Variants in FAM171A1 observed in about 807,000 individuals in gnomAD.
The protein encoded by FAM171A1 is family with sequence similarity 171 member A1.
Under a neutral mutation model 74.9 loss-of-function variants are expected in FAM171A1, and 23 were observed. The ratio of observed to expected loss-of-function variants is 0.31; its 90% CI spans 0.22 to 0.44. The LOEUF is 0.44. Ranked by LOEUF, FAM171A1 falls within the 20% of genes least tolerant of loss-of-function variation. FAM171A1 has a pLI of 1.00. For missense variants in FAM171A1, 1,162 were observed against 1,159.2 expected, an observed-to-expected ratio of 1.00 and a Z score of -0.03; for synonymous variants, 527 against 505.7, an observed-to-expected ratio of 1.04 and a Z score of -0.57.
intron 4 of FAM171A1, among the ~76,000 whole-genome samples, chr10:15,250,045 T>G (rs1032648721): frequency 9.2e-5 from 14 of 152,244 alleles, no homozygotes; most frequent in Admixed American, 5.2e-4. Flanking sequence ...GATGTAAACC[T>G]CCAATCTGGT....
intron 1 of FAM171A1, among the ~76,000 whole-genome samples, chr10:15,366,601 T>C (rs1028111260): frequency 6.6e-5 from 10 of 152,212 alleles, no homozygotes; most frequent in African/African-American, 1.9e-4. Context: ...ATTACTGGTA[T>C]GTATAATTTC....
At chr10:15,218,241 G>A (rs1287443025) in intron 6 of FAM171A1, among the ~76,000 whole-genome samples, 1 of 151,906 alleles carries the variant, frequency 6.6e-6, no homozygotes, top group Non-Finnish European at 1.5e-5. Flanking sequence ...TACTGTGCCT[G>A]GCAAATTTTT....
chr10:15,320,422 C>G (rs747707184), intron 1 of FAM171A1, among the ~76,000 whole-genome samples: 1 of 152,144 alleles, frequency 6.6e-6, no homozygotes, highest in African/African-American at 2.4e-5. Context: ...AATAGTGCTG[C>G]GATAAACATA....
intron 6 of FAM171A1, among the ~76,000 whole-genome samples, chr10:15,216,583 A>G (rs1034279448): frequency 1.1e-4 from 16 of 152,006 alleles, no homozygotes; most frequent in East Asian, 1.9e-4. Flanking sequence ...GGCACGCACC[A>G]CCACACCTGG....
chr10:15,264,613 T>G (rs1347549618), intron 3 of FAM171A1, among the ~76,000 whole-genome samples: 1 of 147,040 alleles, frequency 6.8e-6, no homozygotes. Context: ...GGTGAAACCC[T>G]GTTTCTACAA....
rs913007446 is a variant in FAM171A1 at position 15,212,801 on chromosome 10, C to T, written c.*114G>A. ...CAAACAGGAATGCAGTAAACGTCCACGTCCGTCCCACGGCTGGGCTGCCGT... is the reference window on the plus strand; with the variant it reads ...CAAACAGGAATGCAGTAAACGTCCATGTCCGTCCCACGGCTGGGCTGCCGT... On this transcript the variant is annotated 3_prime_UTR_variant, in exon 8 of 8. Transcript: ENST00000378116. 3.0e-5 allele frequency: 41 copies of T among 1,344,920 alleles called. No homozygotes were observed. In the East Asian group the frequency reaches 4.8e-4, roughly 16 times the overall value. 83.3% of individuals were successfully genotyped at this position (1,344,920 alleles called of 1,614,324 possible). A position where few individuals can be genotyped will look rare whatever the true frequency, so the allele number is the denominator to read the frequency against.
intron 7 of FAM171A1, among the ~76,000 whole-genome samples, chr10:15,215,392 G>A (rs960851584): frequency 6.6e-6 from 1 of 151,560 alleles, no homozygotes; most frequent in African/African-American, 2.4e-5. Context: ...TTGAGATGGA[G>A]TCTTGCTCTG....
chr10:15,226,187 C>G (rs757085444), intron 5 of FAM171A1, among the ~76,000 whole-genome samples: 1 of 152,156 alleles, frequency 6.6e-6, no homozygotes, highest in Non-Finnish European at 1.5e-5. Context: ...CTGCAGAAGC[C>G]GCACCACTGC....
intron 6 of FAM171A1, among the ~76,000 whole-genome samples, chr10:15,218,376 G>T (rs1833994153): frequency 6.6e-6 from 1 of 152,076 alleles, no homozygotes; most frequent in Non-Finnish European, 1.5e-5. Flanking sequence ...ACCGTGCCTG[G>T]CCAGCATTAT....
chr10:15,361,852 A>G (rs1476746046), intron 1 of FAM171A1, among the ~76,000 whole-genome samples: 1 of 152,314 alleles, frequency 6.6e-6, no homozygotes, highest in Admixed American at 6.5e-5. Context: ...AAGATAGTAC[A>G]TCTAAGAAAA....
At chr10:15,368,482 G>C (rs1304127970) in intron 1 of FAM171A1, among the ~76,000 whole-genome samples, 1 of 152,204 alleles carries the variant, frequency 6.6e-6, no homozygotes, top group Non-Finnish European at 1.5e-5. Context: ...TATGTGCAAT[G>C]CTTGTTCAAA....
intron 1 of FAM171A1, among the ~76,000 whole-genome samples, chr10:15,297,707 C>T (rs1835177320): frequency 6.6e-6 from 1 of 152,166 alleles, no homozygotes; most frequent in Non-Finnish European, 1.5e-5. Context: ...ACATCTTTCC[C>T]TCAATTTAAA....
At chr10:15,361,800 C>G (rs761223622) in intron 1 of FAM171A1, among the ~76,000 whole-genome samples, 1 of 152,174 alleles carries the variant, frequency 6.6e-6, no homozygotes, top group Non-Finnish European at 1.5e-5. Context: ...ACTCTTTCTC[C>G]CAATACAAAT....
At chr10:15,288,813 C>CTTTTTTTTTTTTTT in intron 1 of FAM171A1, among the ~76,000 whole-genome samples, 1 of 73,688 alleles carries the variant, frequency 1.4e-5, no homozygotes, top group Non-Finnish European at 2.5e-5. Flanking sequence ...TTCGGTAATT[C>CTTTTTTTTTTTTTT]TTTTTTTTTT....
intron 1 of FAM171A1, among the ~76,000 whole-genome samples, chr10:15,320,622 C>A (rs1049528333): frequency 1.4e-4 from 21 of 152,148 alleles, no homozygotes; most frequent in South Asian, 2.1e-4. Flanking sequence ...CACAACCTCA[C>A]CAGCATGTTA....
intron 3 of FAM171A1, among the ~76,000 whole-genome samples, chr10:15,261,146 C>T (rs1325529103): frequency 1.3e-5 from 2 of 152,158 alleles, no homozygotes; most frequent in African/African-American, 2.4e-5. Context: ...AAAAAGAATG[C>T]CAATAGTAAC....
At chr10:15,216,225 G>A in intron 6 of FAM171A1, 115 bp from the exon 7 acceptor site, 2 of 615,970 alleles carry the variant, frequency 3.2e-6, no homozygotes, top group Non-Finnish European at 5.4e-6. Context: ...GCATAGAGCA[G>A]TGGCCAGAGG....
intron 1 of FAM171A1, among the ~76,000 whole-genome samples, chr10:15,341,137 C>T (rs543057145): frequency 2.6e-5 from 4 of 152,130 alleles, no homozygotes; most frequent in Admixed American, 6.6e-5. Flanking sequence ...TTTATTTGGA[C>T]GGTCTAGTAG....
At chr10:15,294,119 A>C (rs1408872773) in intron 1 of FAM171A1, among the ~76,000 whole-genome samples, 12 of 152,314 alleles carry the variant, frequency 7.9e-5, no homozygotes, top group Non-Finnish European at 8.8e-5. Context: ...CACAGCTCAG[A>C]CACTGTTCTG....
Sources: gnomAD v4.1 joint callset for allele counts (sites outside exome capture counted in the v4.1 genomes callset) on GRCh38, gnomAD v4.1.1 for gene constraint, MANE v1.5 for transcripts, NCBI Gene and HGNC (gene_info 2026-07-23, HGNC 2026-07-21) for gene names.